Variants in ADGRG7 observed in about 807,000 individuals in gnomAD.
ADGRG7 encodes G-protein coupled receptor 128.
In ADGRG7, 82 loss-of-function variants were observed where a neutral mutation model predicts 88.6. That is an observed-to-expected ratio of 0.93 (90% confidence interval 0.77 to 1.11). ADGRG7 has a LOEUF of 1.11. Ranked by LOEUF, ADGRG7 falls within the 50% of genes most tolerant of loss-of-function variation. The probability of loss-of-function intolerance (pLI) is 0.00; values close to 1 mark genes in which losing one functional copy is unlikely to be tolerated. For missense variants in ADGRG7, 945 were observed against 953.4 expected, an observed-to-expected ratio of 0.99 and a Z score of 0.12; for synonymous variants, 381 against 345.2, an observed-to-expected ratio of 1.10 and a Z score of -1.15.
chr3:100,624,228 A>G (rs1205852259), intron 1 of ADGRG7, among the ~76,000 whole-genome samples: 1 of 152,196 alleles, frequency 6.6e-6, no homozygotes, highest in Non-Finnish European at 1.5e-5. Flanking sequence ...AATAATCACC[A>G]TTCTGACTGG....
chr3:100,619,818 T>A (rs1471319569), intron 1 of ADGRG7, among the ~76,000 whole-genome samples: 1 of 152,136 alleles, frequency 6.6e-6, no homozygotes, highest in African/African-American at 2.4e-5. Context: ...AAGAAATGGA[T>A]AAATTCCTCG....
At chr3:100,672,936 A>G (rs1010792210) in intron 15 of ADGRG7, among the ~76,000 whole-genome samples, 5 of 151,922 alleles carry the variant, frequency 3.3e-5, no homozygotes, top group African/African-American at 1.2e-4. Context: ...AAGCTTTTTG[A>G]TGTGCTGCTG....
intron 1 of ADGRG7, among the ~76,000 whole-genome samples, chr3:100,623,059 G>A (rs547916808): frequency 2.6e-5 from 4 of 151,952 alleles, no homozygotes; most frequent in Admixed American, 2.6e-4. Flanking sequence ...CACTGTGTCT[G>A]GCCTATTTTT....
chr3:100,613,141 C>T (rs1006865267), intron 1 of ADGRG7, among the ~76,000 whole-genome samples: 78 of 152,302 alleles, frequency 5.1e-4, no homozygotes, highest in African/African-American at 1.8e-3. Flanking sequence ...CTGCCCGCCT[C>T]GGCCTCCCAA....
At position 100,694,767 on chromosome 3, in the gene ADGRG7, C is replaced by T. The variant is rs1210164980; in HGVS notation, c.2160C>T (p.Tyr720=). The change falls in exon 16 of 16, where the codon TAC becomes TAT. Residue 720 remains tyrosine, a synonymous_variant. Coordinates refer to ENST00000273352, the MANE Select transcript of ADGRG7 (RefSeq NM_032787.3). ...TTQGLQIFIL[Y]TVRTKVFQSE... ...AGGGATTGCAAATTTTTATCCTGTA[C>T]ACTGTTAGAACAAAAGTCTTCCAGA... 2 of 1,613,924 alleles carry T rather than the reference C, an allele frequency of 1.2e-6. No individual in the cohort carries two copies. The highest frequency in any genetic ancestry group is 1.1e-5 in the South Asian group (1 of 91,080).
chr3:100,663,177 C>T (rs570783463), intron 14 of ADGRG7, among the ~76,000 whole-genome samples: 8 of 152,174 alleles, frequency 5.3e-5, no homozygotes, highest in Middle Eastern at 6.8e-3. Context: ...TATTATCTGA[C>T]ATTATGGAGG....
At chr3:100,631,233 C>T (rs1707456343) in intron 3 of ADGRG7, among the ~76,000 whole-genome samples, 1 of 152,092 alleles carries the variant, frequency 6.6e-6, no homozygotes. Context: ...GTTGGTAGTC[C>T]TTCACCTTTT....
chr3:100,654,019 G>A (rs1350750652), intron 11 of ADGRG7, among the ~76,000 whole-genome samples: 1 of 152,170 alleles, frequency 6.6e-6, no homozygotes, highest in Non-Finnish European at 1.5e-5. Context: ...GGGACTATCA[G>A]CAAAGTGAGA....
At chr3:100,694,134 G>A (rs889327809) in intron 15 of ADGRG7, among the ~76,000 whole-genome samples, 5 of 152,216 alleles carry the variant, frequency 3.3e-5, no homozygotes, top group African/African-American at 1.2e-4. Flanking sequence ...GATTACATGA[G>A]AATGATCAAA....
intron 15 of ADGRG7, among the ~76,000 whole-genome samples, chr3:100,672,274 A>C (rs2094959793): frequency 6.6e-6 from 1 of 152,022 alleles, no homozygotes; most frequent in African/African-American, 2.4e-5. Flanking sequence ...TCCTTCACAT[A>C]CCTTGTAAGT....
At chr3:100,640,132 T>C (rs1022131751) in intron 6 of ADGRG7, among the ~76,000 whole-genome samples, 6 of 152,218 alleles carry the variant, frequency 3.9e-5, no homozygotes, top group Non-Finnish European at 8.8e-5. Flanking sequence ...TAGCTCTCTT[T>C]AGGAGAATAC....
chr3:100,621,747 T>G (rs1448511167), intron 1 of ADGRG7, among the ~76,000 whole-genome samples: 2 of 152,230 alleles, frequency 1.3e-5, no homozygotes, highest in Non-Finnish European at 2.9e-5. Flanking sequence ...ATGACTACAC[T>G]AAACAACAGA....
chr3:100,645,051 A>G (rs1707718644), intron 8 of ADGRG7, among the ~76,000 whole-genome samples: 1 of 152,252 alleles, frequency 6.6e-6, no homozygotes, highest in Non-Finnish European at 1.5e-5. Flanking sequence ...CTCTCAAATC[A>G]GATGACTGAA....
intron 15 of ADGRG7, among the ~76,000 whole-genome samples, chr3:100,690,696 C>T (rs570422389): frequency 2.6e-5 from 4 of 152,126 alleles, no homozygotes; most frequent in Non-Finnish European, 4.4e-5. Flanking sequence ...ATTGGTGAAC[C>T]GCAAATGCTG....
chr3:100,611,292 C>T (rs898390843), intron 1 of ADGRG7, among the ~76,000 whole-genome samples: 3 of 140,158 alleles, frequency 2.1e-5, no homozygotes, highest in African/African-American at 8.9e-5. Context: ...TCCTTCCTTC[C>T]TTCCTTCCTT....
chr3:100,690,436 G>A (rs529332028), intron 15 of ADGRG7, among the ~76,000 whole-genome samples: 2 of 152,198 alleles, frequency 1.3e-5, no homozygotes, highest in Non-Finnish European at 2.9e-5. Flanking sequence ...TGGAGGAGGA[G>A]AGGCGCTCTG....
At chr3:100,620,960 A>G (rs1227747610) in intron 1 of ADGRG7, among the ~76,000 whole-genome samples, 2 of 151,982 alleles carry the variant, frequency 1.3e-5, no homozygotes, top group African/African-American at 4.8e-5. Context: ...AATTCTCACA[A>G]TATGTCAAAC....
Position 100,635,652 on chromosome 3 carries a change from GT to G in ADGRG7, c.448-17del, listed in dbSNP as rs141841819. ...TTGGACATAATTGTGTAAAGCTAGG[GT>G]TTTTTTTCTGGTTTTTAAAACAGGT... On this transcript the variant is annotated intron_variant, in intron 4 of 15. Transcript: ENST00000273352. 2.9e-5 allele frequency: 47 copies of G among 1,601,934 alleles called. No individual in the cohort carries two copies. Among genetic ancestry groups the G allele is most frequent in the Middle Eastern group, 1.7e-4 (1 of 6,016 alleles).
At chr3:100,626,898 T>C (rs1559671962) in intron 1 of ADGRG7, among the ~76,000 whole-genome samples, 2 of 152,280 alleles carry the variant, frequency 1.3e-5, no homozygotes, top group Non-Finnish European at 2.9e-5. Context: ...TTTATGCTTT[T>C]ATATTTCAAT....
Sources: gnomAD v4.1 joint callset for allele counts (sites outside exome capture counted in the v4.1 genomes callset) on GRCh38, gnomAD v4.1.1 for gene constraint, MANE v1.5 for transcripts, NCBI Gene and HGNC (gene_info 2026-07-23, HGNC 2026-07-21) for gene names.